Variants in NAV3 observed in about 807,000 individuals in gnomAD.
The protein encoded by NAV3 is neuron navigator 3, also known as pore membrane and/or filament interacting like protein 1.
NAV3 carries 87 observed loss-of-function variants against 244.7 expected under a neutral mutation model. The ratio of observed to expected loss-of-function variants is 0.36; its 90% CI spans 0.30 to 0.42. The LOEUF (loss-of-function observed/expected upper bound fraction) is 0.42. NAV3 is among the 20% of genes least tolerant of loss of function. The pLI is 1.00. For synonymous variants in NAV3, 1,126 were observed against 1,042.2 expected (o/e 1.08, Z -1.55); for missense variants, 2,663 against 2,893.3 (o/e 0.92, Z 1.83).
intron 2 of NAV3, among the ~76,000 whole-genome samples, chr12:77,673,736 G>T (rs1212219616): frequency 1.3e-5 from 2 of 151,932 alleles, no homozygotes; most frequent in East Asian, 1.9e-4. Context: ...CTTATGGGAA[G>T]AATTTTCTAT....
chr12:77,684,543 G>A (rs1044975398), intron 2 of NAV3, among the ~76,000 whole-genome samples: 3 of 151,814 alleles, frequency 2.0e-5, no homozygotes, highest in African/African-American at 4.8e-5. Flanking sequence ...GGCAGTTCTT[G>A]AACTCCTGGC....
At chr12:78,197,586 A>G (rs1959195574) in intron 35 of NAV3, among the ~76,000 whole-genome samples, 185 bp downstream of exon 35, 1 of 151,928 alleles carries the variant, frequency 6.6e-6, no homozygotes, top group African/African-American at 2.4e-5. Flanking sequence ...ACACTGTAGA[A>G]TGATTAACTC....
intron 2 of NAV3, among the ~76,000 whole-genome samples, chr12:77,821,491 T>G (rs1310970801): frequency 1.3e-5 from 2 of 152,140 alleles, no homozygotes; most frequent in East Asian, 3.8e-4. Flanking sequence ...GTAAGAGCAA[T>G]GGTTACATGG....
At chr12:78,152,114 G>C (rs1957102495) in intron 22 of NAV3, among the ~76,000 whole-genome samples, 1 of 151,478 alleles carries the variant, frequency 6.6e-6, no homozygotes, top group Non-Finnish European at 1.5e-5. Flanking sequence ...ATTTGGTAGT[G>C]ATAGGGACTA....
At chr12:77,725,486 ATT>A (rs35999021) in intron 2 of NAV3, among the ~76,000 whole-genome samples, 4 of 151,170 alleles carry the variant, frequency 2.6e-5, no homozygotes, top group African/African-American at 9.7e-5. Context: ...GTTTCCCCAG[ATT>A]TTTTTTTCTT....
chr12:77,910,525 G>A (rs1293987177), intron 1 of NAV3, among the ~76,000 whole-genome samples: 1 of 152,066 alleles, frequency 6.6e-6, no homozygotes, highest in African/African-American at 2.4e-5. Flanking sequence ...ATATTTAATA[G>A]ATTGCTGAAA....
intron 1 of NAV3, among the ~76,000 whole-genome samples, chr12:77,851,915 T>C (rs928976976): frequency 1.3e-5 from 2 of 152,186 alleles, no homozygotes; most frequent in African/African-American, 4.8e-5. Context: ...CATTTAGTCT[T>C]CGTGTGTACT....
At chr12:78,005,098 C>T (rs1028009045) in intron 7 of NAV3, among the ~76,000 whole-genome samples, 4 of 152,072 alleles carry the variant, frequency 2.6e-5, no homozygotes, top group African/African-American at 9.7e-5. Context: ...CTTTTCTACC[C>T]TCTCCGATCA....
In NAV3 at chr12:78,006,786, C is replaced by T. The variant is rs114303302; in HGVS notation, c.1248C>T (p.Ala416=). The part of the protein sequence containing the change: ...GPSDGGKDDD[A]FSESGEMEGF... Reference sequence around the variant, plus strand: ...GTGATGGTGGGAAGGATGATGATGCCTTTTCTGAATCTGGTGAAATGGAAG... The same window carrying T: ...GTGATGGTGGGAAGGATGATGATGCTTTTTCTGAATCTGGTGAAATGGAAG... Residue 416 remains alanine, a synonymous_variant, in exon 8 of 40, where the codon GCC becomes GCT. Coordinates refer to ENST00000397909, the MANE Select transcript of NAV3 (RefSeq NM_001024383.2). 1.0e-3 allele frequency: 1,670 copies of T among 1,614,168 alleles called. 15 individuals carry two copies. In the African/African-American group the frequency reaches 0.02, roughly 19 times the overall value.
intron 1 of NAV3, among the ~76,000 whole-genome samples, chr12:77,874,290 A>G (rs1183730347): frequency 2.0e-5 from 3 of 152,012 alleles, no homozygotes; most frequent in Non-Finnish European, 4.4e-5. Flanking sequence ...GCAATCACGG[A>G]TCACTGCAGC....
At chr12:77,657,478 C>G (rs961616662) in intron 2 of NAV3, among the ~76,000 whole-genome samples, 3 of 152,132 alleles carry the variant, frequency 2.0e-5, no homozygotes, top group African/African-American at 7.2e-5. Flanking sequence ...GCTTACCCAC[C>G]AAAAAGAGTC....
chr12:77,705,864 C>A (rs1237217310), intron 2 of NAV3, among the ~76,000 whole-genome samples: 1 of 151,128 alleles, frequency 6.6e-6, no homozygotes, highest in Non-Finnish European at 1.5e-5. Context: ...TTTTCTTTGT[C>A]TTATGTTTTC....
intron 2 of NAV3, among the ~76,000 whole-genome samples, chr12:77,664,003 C>G (rs1220453546): frequency 6.6e-6 from 1 of 151,736 alleles, no homozygotes; most frequent in African/African-American, 2.4e-5. Flanking sequence ...CTGGTGTAGT[C>G]TTTGTCATAG....
At chr12:77,822,697 T>C (rs1385543061) in intron 2 of NAV3, among the ~76,000 whole-genome samples, 1 of 152,188 alleles carries the variant, frequency 6.6e-6, no homozygotes, top group Non-Finnish European at 1.5e-5. Flanking sequence ...TCTTATTTTT[T>C]ATTATTTAAA....
intron 18 of NAV3, among the ~76,000 whole-genome samples, chr12:78,136,265 A>G (rs1956370393): frequency 6.6e-6 from 1 of 152,212 alleles, no homozygotes; most frequent in African/African-American, 2.4e-5. Context: ...CTCATATACC[A>G]GTAACAAACT....
intron 39 of NAV3, among the ~76,000 whole-genome samples, chr12:78,207,262 G>A (rs1376918703): frequency 6.6e-6 from 1 of 152,116 alleles, no homozygotes; most frequent in Non-Finnish European, 1.5e-5. Context: ...GAAGAAGAGA[G>A]GAGAGAGACT....
chr12:77,644,291 G>T (rs545074954), intron 2 of NAV3, among the ~76,000 whole-genome samples: 2 of 152,158 alleles, frequency 1.3e-5, no homozygotes, highest in East Asian at 3.9e-4. Context: ...CCCTCATGTG[G>T]TATCTAAGGT....
intron 23 of NAV3, among the ~76,000 whole-genome samples, chr12:78,162,419 T>C (rs189484394): frequency 1.5e-4 from 23 of 152,212 alleles, no homozygotes; most frequent in Middle Eastern, 3.4e-3. Context: ...TCTATATCTA[T>C]AGACATACCT....
In NAV3 at chr12:77,632,582, C is replaced by T. The variant is rs114637118; in HGVS notation, c.72+60316C>T. 8.6e-3 allele frequency among the ~76,000 whole-genome samples: 1,306 copies of T among 152,208 alleles called. 10 individuals are homozygous for T. Among genetic ancestry groups the T allele is most frequent in the Middle Eastern group, 0.024 (7 of 292 alleles). On this transcript the variant is annotated intron_variant, in intron 2 of 8. Transcript: ENST00000550042. ...CTCCCATTCGGTCCCTCCCACGACA[C>T]GTGGGAATTGTGGGAGCTACAATTC...
Sources: allele counts gnomAD v4.1 joint callset (sites outside exome capture counted in the v4.1 genomes callset), GRCh38; gene constraint gnomAD v4.1.1; transcripts MANE v1.5; gene names NCBI Gene and HGNC (gene_info 2026-07-23, HGNC 2026-07-21).